The following SMAP1 variants were observed in gnomAD, a reference collection of about 807,000 sequenced individuals.
SMAP1 encodes stromal membrane-associated protein 1.
SMAP1 carries 24 observed loss-of-function variants against 58.5 expected under a neutral mutation model. That is an observed-to-expected ratio of 0.41 (90% confidence interval 0.30 to 0.58). The LOEUF (loss-of-function observed/expected upper bound fraction) is 0.58. Ranked by LOEUF, SMAP1 falls within the 20% of genes least tolerant of loss-of-function variation. The pLI is 0.29. For synonymous variants in SMAP1, 216 were observed against 196.6 expected (o/e 1.10, Z -0.82); for missense variants, 563 against 566.3 (o/e 0.99, Z 0.06).
intron 6 of SMAP1, among the ~76,000 whole-genome samples, chr6:70,826,516 C>T (rs1028806026): frequency 6.6e-6 from 1 of 152,018 alleles, no homozygotes; most frequent in African/African-American, 2.4e-5. Flanking sequence ...GTAATCCTAG[C>T]ACTTTGGGAG....
chr6:70,820,054 T>C (rs1418252693), intron 6 of SMAP1, among the ~76,000 whole-genome samples: 1 of 152,224 alleles, frequency 6.6e-6, no homozygotes, highest in Non-Finnish European at 1.5e-5. Flanking sequence ...TGACTAATCT[T>C]ATGGATTTTT....
In SMAP1 at chr6:70,861,587, C is replaced by G; in HGVS notation, c.*1253C>G. 3 of 1,349,092 alleles carry G rather than the reference C, an allele frequency of 2.2e-6. No individual in the cohort carries two copies. The highest frequency in any genetic ancestry group is 3.1e-6 in the Non-Finnish European group (3 of 954,496). The allele number at this position is 1,349,092 out of a possible 1,614,324, so 83.6% of individuals were successfully genotyped here. A position where few individuals can be genotyped will look rare whatever the true frequency, so the allele number is the denominator to read the frequency against. ...GTAAAACAAACAATACCTGAATGCT[C>G]TGTAGCCTAAACTCCAAACATCCTC... On this transcript the variant is annotated 3_prime_UTR_variant, in exon 11 of 11. Coordinates refer to ENST00000370455, the MANE Select transcript of SMAP1 (RefSeq NM_001044305.3).
In SMAP1 at chr6:70,732,483, T is replaced by A; in HGVS notation, c.224T>A (p.Leu75Gln). The change falls in exon 2 of 11, where the codon CTA becomes CAA. Residue 75 changes from leucine (L) to glutamine (Q), a missense_variant. By Grantham distance (113) the Leu-to-Gln change is moderately radical. Around this residue, in one of 3 missense-constraint regions of SMAP1, gnomAD observed 494 missense variants for 473.8 expected, o/e 1.04. Transcript: ENST00000370455. ...VHISRVKSVNLDQWTAEQIQC... is the reference protein window; with the variant it reads ...VHISRVKSVNQDQWTAEQIQC... The stretch of plus-strand genomic sequence containing the variant: ...ATATCCAGGGTCAAATCAGTCAACC[T>A]AGACCAATGGACAGCAGAACAGATA... 1.2e-6 allele frequency: 2 copies of A among 1,608,190 alleles called. No individual in the cohort carries two copies. The highest frequency in any genetic ancestry group is 1.7e-6 in the Non-Finnish European group (2 of 1,176,540).
chr6:70,784,803 C>G (rs1003766791), intron 4 of SMAP1, among the ~76,000 whole-genome samples: 3 of 152,154 alleles, frequency 2.0e-5, no homozygotes, highest in African/African-American at 7.2e-5. Flanking sequence ...ATTCATAAAG[C>G]AAGTCCTGAG....
chr6:70,688,412 A>T (rs1392080328), intron 1 of SMAP1, among the ~76,000 whole-genome samples: 1 of 152,218 alleles, frequency 6.6e-6, no homozygotes, highest in Admixed American at 6.5e-5. Flanking sequence ...CATTTTATAC[A>T]TCTACTAATG....
chr6:70,762,364 C>CA (rs1766786656), intron 3 of SMAP1, among the ~76,000 whole-genome samples: 7 of 152,170 alleles, frequency 4.6e-5, no homozygotes, highest in Non-Finnish European at 8.8e-5. Context: ...CATAGACCAA[C>CA]TGTCCCACAA....
intron 2 of SMAP1, among the ~76,000 whole-genome samples, chr6:70,751,707 G>A (rs1766286729): frequency 6.6e-6 from 1 of 152,080 alleles, no homozygotes; most frequent in Non-Finnish European, 1.5e-5. Context: ...TCCTGTAGAA[G>A]TGAAAGCAAG....
At chr6:70,713,163 C>T (rs898558799) in intron 1 of SMAP1, among the ~76,000 whole-genome samples, 2 of 152,128 alleles carry the variant, frequency 1.3e-5, no homozygotes, top group Non-Finnish European at 2.9e-5. Context: ...TTAGTCTTCT[C>T]TCTCTTTCTC....
intron 6 of SMAP1, among the ~76,000 whole-genome samples, chr6:70,832,331 G>C (rs1770393978): frequency 6.6e-6 from 1 of 152,084 alleles, no homozygotes; most frequent in Admixed American, 6.6e-5. Context: ...CTTTTGATAG[G>C]CTTTGCCCAC....
intron 7 of SMAP1, among the ~76,000 whole-genome samples, chr6:70,845,943 A>G (rs1158130694): frequency 2.6e-5 from 4 of 152,202 alleles, no homozygotes; most frequent in African/African-American, 9.6e-5. Flanking sequence ...GTTAAGAAGC[A>G]GTTGTAATCT....
intron 1 of SMAP1, among the ~76,000 whole-genome samples, chr6:70,673,486 C>G (rs1190865912): frequency 6.6e-6 from 1 of 151,736 alleles, no homozygotes; most frequent in Admixed American, 6.6e-5. Flanking sequence ...CGTGTAGAGC[C>G]CATTTGATTG....
At position 70,861,725 on chromosome 6, in the gene SMAP1, C is replaced by G; in HGVS notation, c.*1391C>G. 6.2e-7 allele frequency: 1 copy of G among 1,614,142 alleles called. No homozygotes were observed. The highest frequency in any genetic ancestry group is 8.5e-7 in the Non-Finnish European group (1 of 1,179,996). On this transcript the variant is annotated 3_prime_UTR_variant, in exon 11 of 11. Coordinates refer to ENST00000370455, the MANE Select transcript of SMAP1 (RefSeq NM_001044305.3). ...GGCTCGTTGGCTAGATTAACCTTCT[C>G]TGTCCGAGTGTGCCACACGAGAACC...
At chr6:70,815,798 A>G (rs981882875) in intron 6 of SMAP1, among the ~76,000 whole-genome samples, 18 of 152,120 alleles carry the variant, frequency 1.2e-4, no homozygotes, top group African/African-American at 4.3e-4. Context: ...ATATTTGCAT[A>G]TATGTATTTG....
At chr6:70,764,101 A>T (rs911828734) in intron 3 of SMAP1, among the ~76,000 whole-genome samples, 1 of 150,308 alleles carries the variant, frequency 6.7e-6, no homozygotes, top group Non-Finnish European at 1.5e-5. Flanking sequence ...TTTTGTAAAG[A>T]TGGGCTTGCT....
intron 7 of SMAP1, among the ~76,000 whole-genome samples, chr6:70,847,872 C>A (rs536781389): frequency 2.6e-5 from 4 of 152,192 alleles, no homozygotes; most frequent in Admixed American, 2.0e-4. Context: ...GTCTGATGTT[C>A]TCTCTCCCCT....
In SMAP1 at chr6:70,858,081, A is replaced by T; in HGVS notation, c.1121A>T (p.Asn374Ile). 1 of 1,614,080 alleles carries T rather than the reference A, an allele frequency of 6.2e-7. No individual in the cohort carries two copies. The highest frequency in any genetic ancestry group is 1.7e-5 in the Admixed American group (1 of 60,008). The change falls in exon 10 of 11, where the codon AAT becomes ATT. Residue 374 changes from asparagine (N) to isoleucine (I), a missense_variant. This residue lies in a region of SMAP1 where 494 missense variants were observed against 473.8 expected (regional missense o/e 1.04). Transcript: ENST00000370455. Reference sequence around the variant, plus strand: ...ATGATGGTGGGCATGCCCATGCCCAATGGGTTTATGGGAAATGCACAAACT... The same window carrying T: ...ATGATGGTGGGCATGCCCATGCCCATTGGGTTTATGGGAAATGCACAAACT... ...PSMMVGMPMP[N>I]GFMGNAQTGV...
intron 6 of SMAP1, among the ~76,000 whole-genome samples, chr6:70,829,251 TTTTC>T (rs911262508): frequency 2.0e-5 from 3 of 152,070 alleles, no homozygotes; most frequent in African/African-American, 7.2e-5. Flanking sequence ...TTTTCTGTTT[TTTTC>T]TTTGTCTTCT....
chr6:70,768,793 C>T (rs1037126333), intron 3 of SMAP1, among the ~76,000 whole-genome samples: 6 of 152,154 alleles, frequency 3.9e-5, no homozygotes, highest in Admixed American at 3.3e-4. Flanking sequence ...CCTCTGCTAG[C>T]TTTTGAATGT....
intron 6 of SMAP1, among the ~76,000 whole-genome samples, chr6:70,812,779 A>G (rs1372512186): frequency 1.3e-5 from 2 of 152,138 alleles, no homozygotes; most frequent in African/African-American, 2.4e-5. Flanking sequence ...TTTGAAACCT[A>G]TGAAGTTTCA....
Sources: allele counts gnomAD v4.1 joint callset (sites outside exome capture counted in the v4.1 genomes callset), GRCh38; gene constraint gnomAD v4.1.1; regional missense constraint gnomAD v4.1.1; transcripts MANE v1.5; gene names NCBI Gene and HGNC (gene_info 2026-07-23, HGNC 2026-07-21).